Variants in MYOM1 observed in about 807,000 individuals in gnomAD.
The protein encoded by MYOM1 is myomesin 1.
In MYOM1, 164 loss-of-function variants were observed where a neutral mutation model predicts 205.3. The observed-to-expected ratio is 0.80, with a 90% confidence interval of 0.70 to 0.91. The LOEUF (loss-of-function observed/expected upper bound fraction) is 0.91. Ranked by LOEUF, MYOM1 falls within the 40% of genes least tolerant of loss-of-function variation. The probability of loss-of-function intolerance (pLI) is 0.00; values close to 1 mark genes in which losing one functional copy is unlikely to be tolerated. For synonymous variants in MYOM1, 772 were observed against 789.4 expected (o/e 0.98, Z 0.37); for missense variants, 2,011 against 2,127.3 (o/e 0.95, Z 1.08).
In MYOM1 at chr18:3,094,193, C is replaced by T. The variant is rs149588924; in HGVS notation, c.3841G>A (p.Glu1281Lys). The T allele has an allele frequency of 1.7e-4, 280 of 1,613,936 alleles. 1 individual carries two copies. The East Asian group carries it at 5.2e-3, about 30-fold the overall frequency. ...ACCGGGCCTTCAAAAATTTCCTTCT[C>T]GTTAAATATGTAGTTGACTTTGGCA... is the stretch of plus-strand genomic sequence containing the variant. ...GNAKVNYIFNEKEIFEGPKYK... is the reference protein window; with the variant it reads ...GNAKVNYIFNKKEIFEGPKYK... The change falls in exon 26 of 38, where the codon GAG (glutamate) becomes AAG (lysine). Residue 1281 changes from glutamate to lysine, a missense_variant. By Grantham distance (56) the Glu-to-Lys change is moderately conservative. Coordinates refer to ENST00000356443, the MANE Select transcript of MYOM1 (RefSeq NM_003803.4).
At chr18:3,069,101 T>C (rs1403134738) in intron 37 of MYOM1, among the ~76,000 whole-genome samples, 1 of 152,032 alleles carries the variant, frequency 6.6e-6, no homozygotes, top group East Asian at 1.9e-4. Flanking sequence ...TTCCCAGAAA[T>C]TGCCAAACGG....
intron 2 of MYOM1, among the ~76,000 whole-genome samples, chr18:3,197,596 G>A (rs555418094): frequency 1.6e-4 from 25 of 152,124 alleles, no homozygotes; most frequent in African/African-American, 5.3e-4. Flanking sequence ...TGTTAAGGCT[G>A]GGCGCGGTGG....
At chr18:3,077,570 CAG>C (rs1467926165) in intron 34 of MYOM1, among the ~76,000 whole-genome samples, 1 of 152,086 alleles carries the variant, frequency 6.6e-6, no homozygotes, top group Non-Finnish European at 1.5e-5. Flanking sequence ...ACCACTCTGA[CAG>C]AGAGGTGGGA....
chr18:3,178,854 T>C (rs11665495), intron 5 of MYOM1, among the ~76,000 whole-genome samples: 23,736 of 152,022 alleles, frequency 0.16, 1,917 homozygotes, highest in Middle Eastern at 0.2. Context: ...GAGGTTGGGA[T>C]TGTGTCTGAT....
the MYOM1 span, among the ~76,000 whole-genome samples, chr18:3,239,114 C>T: frequency 6.2e-4 from 95 of 152,330 alleles, no homozygotes; most frequent in Middle Eastern, 0.01. Context: ...GGTCCTTAGT[C>T]TGCTTATACA....
Position 3,133,074 on chromosome 18 carries a change from G to C in MYOM1, c.2384+1576C>G, listed in dbSNP as rs1408560346. 3.9e-5 allele frequency among the ~76,000 whole-genome samples: 6 copies of C among 152,010 alleles called. No homozygotes were observed. The East Asian group carries it at 1.2e-3, about 29-fold the overall frequency. Reference sequence around the variant, plus strand: ...ACTGAGTTAGGTACTGTGGACAAAAGATGAACAAAAAATGGTGCCTGCCCT... The same window carrying C: ...ACTGAGTTAGGTACTGTGGACAAAACATGAACAAAAAATGGTGCCTGCCCT... On this transcript the variant is annotated intron_variant, in intron 16 of 37. Coordinates refer to ENST00000356443, the MANE Select transcript of MYOM1 (RefSeq NM_003803.4).
At chr18:3,204,221 T>C in intron 2 of MYOM1, among the ~76,000 whole-genome samples, 1 of 152,026 alleles carries the variant, frequency 6.6e-6, no homozygotes, top group East Asian at 1.9e-4. Context: ...GCCACTTCTG[T>C]TCAACATTGT....
At chr18:3,183,260 T>C (rs1365399685) in intron 5 of MYOM1, among the ~76,000 whole-genome samples, 1 of 152,230 alleles carries the variant, frequency 6.6e-6, no homozygotes, top group Non-Finnish European at 1.5e-5. Flanking sequence ...GGCCAGTGCT[T>C]AGACAGGCTC....
At chr18:3,174,790 T>G (rs1475910458) in intron 6 of MYOM1, among the ~76,000 whole-genome samples, 1 of 152,188 alleles carries the variant, frequency 6.6e-6, no homozygotes, top group Non-Finnish European at 1.5e-5. Context: ...TCATCTAAGT[T>G]ATTTACACTT....
upstream of MYOM1, among the ~76,000 whole-genome samples, chr18:3,221,934 G>A (rs1323066567): frequency 6.6e-6 from 1 of 152,204 alleles, no homozygotes; most frequent in Non-Finnish European, 1.5e-5. Context: ...TTCTTCTCAA[G>A]TCTTATCCAC....
At chr18:3,163,864 GT>G (rs950054906) in intron 10 of MYOM1, among the ~76,000 whole-genome samples, 1 of 139,644 alleles carries the variant, frequency 7.2e-6, no homozygotes, top group African/African-American at 2.7e-5. Flanking sequence ...ATTTTGTTTT[GT>G]TTTTTGAGAC....
At chr18:3,153,527 C>T (rs527882175) in intron 11 of MYOM1, among the ~76,000 whole-genome samples, 1 of 152,268 alleles carries the variant, frequency 6.6e-6, no homozygotes, top group African/African-American at 2.4e-5. Context: ...TGTCCCTGGC[C>T]TTTCACTGGT....
At chr18:3,077,323 G>A (rs1163661107) in intron 34 of MYOM1, among the ~76,000 whole-genome samples, 1 of 152,046 alleles carries the variant, frequency 6.6e-6, no homozygotes, top group African/African-American at 2.4e-5. Flanking sequence ...CTGGCAGGTC[G>A]CTTCATTTTG....
rs1469070824 is a variant in MYOM1, at chr18:3,150,698, A to G, written c.1843+996T>C. 2.0e-5 allele frequency among the ~76,000 whole-genome samples: 3 copies of G among 152,168 alleles called. No homozygotes were observed. The East Asian group carries it at 5.8e-4, about 29-fold the overall frequency. ...CTCATAATGTCATTTTACGTTCCCT[A>G]TTGTTGGAGATGCCATATGGGTTTC... On this transcript the variant is annotated intron_variant, in intron 12 of 37. Coordinates refer to ENST00000356443, the MANE Select transcript of MYOM1 (RefSeq NM_003803.4).
chr18:3,118,875 T>A (rs561726552), intron 20 of MYOM1, among the ~76,000 whole-genome samples: 1 of 152,162 alleles, frequency 6.6e-6, no homozygotes, highest in African/African-American at 2.4e-5. Context: ...TGCTCTTGAG[T>A]TTCTCTTGGA....
rs1045676356 is a variant in MYOM1, at chr18:3,209,111, T to G, written c.290+5823A>C. The stretch of plus-strand genomic sequence containing the variant: ...AACACTAACAAAAGAATAAGGCATT[T>G]CTTTGACACGATGTAGAGGGAATCT... On this transcript the variant is annotated intron_variant, in intron 2 of 37. Coordinates refer to ENST00000356443, the MANE Select transcript of MYOM1 (RefSeq NM_003803.4). The surrounding 1 kb of genome is among the most constrained non-coding windows in gnomAD (Gnocchi z 4.0). Among the ~76,000 whole-genome samples the G allele has an allele frequency of 6.6e-6, 1 of 152,216 alleles. No homozygotes were observed. The highest frequency in any genetic ancestry group is 6.5e-5 in the Admixed American group (1 of 15,278).
chr18:3,226,116 C>G, the MYOM1 span, among the ~76,000 whole-genome samples: 1 of 152,200 alleles, frequency 6.6e-6, no homozygotes, highest in African/African-American at 2.4e-5. The surrounding 1 kb of genome is among the most constrained non-coding windows in gnomAD (Gnocchi z 4.6). Context: ...TGAATCTGTT[C>G]ATTTGTAACC....
chr18:3,101,339 A>T (rs1201289992), intron 23 of MYOM1, among the ~76,000 whole-genome samples: 1 of 152,250 alleles, frequency 6.6e-6, no homozygotes, highest in Non-Finnish European at 1.5e-5. Context: ...TGACACTATG[A>T]AAATACAAAG....
chr18:3,158,321 G>A (rs562860404), intron 10 of MYOM1, among the ~76,000 whole-genome samples: 4 of 152,274 alleles, frequency 2.6e-5, no homozygotes, highest in Admixed American at 2.6e-4. Flanking sequence ...ATCGTTTCAT[G>A]GAGCATCTAT....
Sources: allele counts gnomAD v4.1 joint callset (sites outside exome capture counted in the v4.1 genomes callset), GRCh38; gene constraint gnomAD v4.1.1; non-coding constraint Gnocchi (gnomAD v3.1); transcripts MANE v1.5; gene names NCBI Gene and HGNC (gene_info 2026-07-23, HGNC 2026-07-21).